Variants in WWOX observed in about 807,000 individuals in gnomAD.
WWOX encodes WW domain containing oxidoreductase, also known as WW domain-containing oxidoreductase.
Under a neutral mutation model 46.2 loss-of-function variants are expected in WWOX, and 69 were observed. The observed-to-expected ratio is 1.49, with a 90% CI of 1.23 to 1.82. WWOX has a LOEUF of 1.82. Ranked by LOEUF, WWOX falls within the 40% of genes most tolerant of loss-of-function variation. WWOX has a pLI of 0.00. For synonymous variants in WWOX, 359 were observed against 202.6 expected (o/e 1.77, Z -6.56); for missense variants, 919 against 542.6 (o/e 1.69, Z -6.89).
chr16:78,923,156 T>C (rs924611387), intron 8 of WWOX, among the ~76,000 whole-genome samples: 5 of 151,996 alleles, frequency 3.3e-5, no homozygotes, highest in Non-Finnish European at 5.9e-5. Flanking sequence ...TAATTTTGTA[T>C]TTTTAGTAGA....
chr16:78,789,532 C>G (rs1473111343), intron 8 of WWOX, among the ~76,000 whole-genome samples: 1 of 152,076 alleles, frequency 6.6e-6, no homozygotes. Flanking sequence ...GCCATTGCCA[C>G]ATTGTTTTGG....
intron 5 of WWOX, among the ~76,000 whole-genome samples, chr16:78,203,019 G>A (rs1051729620): frequency 6.6e-6 from 1 of 152,146 alleles, no homozygotes; most frequent in African/African-American, 2.4e-5. Flanking sequence ...AAAGGGAATA[G>A]AATTAGGCTG....
intron 8 of WWOX, among the ~76,000 whole-genome samples, chr16:78,899,950 G>T (rs533470920): frequency 1.3e-5 from 2 of 151,874 alleles, no homozygotes; most frequent in Non-Finnish European, 2.9e-5. Flanking sequence ...TGTACCCTTG[G>T]TACTAATTAA....
intron 8 of WWOX, among the ~76,000 whole-genome samples, chr16:78,974,663 G>T (rs181945678): frequency 6.6e-6 from 1 of 152,196 alleles, no homozygotes; most frequent in Non-Finnish European, 1.5e-5. Context: ...CTGTCCTGAA[G>T]AGGAGGACAG....
intron 5 of WWOX, among the ~76,000 whole-genome samples, chr16:78,325,899 A>C (rs909282374): frequency 4.6e-5 from 7 of 152,244 alleles, no homozygotes; most frequent in African/African-American, 1.4e-4. Context: ...AATCAAATTA[A>C]AGGCTATGAA....
intron 4 of WWOX, chr16:78,123,316 C>T (rs1318353715): frequency 6.6e-6 from 1 of 151,572 alleles, no homozygotes; most frequent in Non-Finnish European, 1.5e-5. Flanking sequence ...AGTGTGCTGG[C>T]CTAGCAATAA....
At chr16:78,158,794 G>C (rs1199409597) in intron 4 of WWOX, among the ~76,000 whole-genome samples, 1 of 152,132 alleles carries the variant, frequency 6.6e-6, no homozygotes, top group East Asian at 1.9e-4. Flanking sequence ...TAAGTTTGGA[G>C]ATAAGTATAT....
chr16:79,012,482 A>C (rs2047330795), intron 8 of WWOX, among the ~76,000 whole-genome samples: 2 of 152,060 alleles, frequency 1.3e-5, no homozygotes, highest in Non-Finnish European at 2.9e-5. Context: ...TGATTTGCCC[A>C]CCTTAGCCTC....
chr16:79,053,858 G>A (rs1216664851), intron 8 of WWOX, among the ~76,000 whole-genome samples: 1 of 152,116 alleles, frequency 6.6e-6, no homozygotes, highest in Non-Finnish European at 1.5e-5. Context: ...GAGTTTGCCA[G>A]CCCGAAAACT....
At chr16:79,068,264 C>T (rs1177909202) in intron 8 of WWOX, among the ~76,000 whole-genome samples, 4 of 152,192 alleles carry the variant, frequency 2.6e-5, no homozygotes, top group Non-Finnish European at 5.9e-5. Context: ...ATGACTGTGT[C>T]AAGCACTTCC....
rs187122043 is a variant in WWOX at position 78,516,508 on chromosome 16, C to T, written c.1056+83756C>T. Among the ~76,000 whole-genome samples the T allele has an allele frequency of 6.9e-4, 105 of 152,266 alleles. No homozygotes were observed. In the Middle Eastern group the frequency reaches 0.01, roughly 15 times the overall value. On this transcript the variant is annotated intron_variant, in intron 8 of 8. Transcript: ENST00000566780. ...TGGAAACATTTTAGAAAATTGACAT[C>T]ATCTCTTCAAATATCTGAACTCAGA...
At chr16:78,476,480 T>A (rs1228331488) in intron 8 of WWOX, among the ~76,000 whole-genome samples, 1 of 151,992 alleles carries the variant, frequency 6.6e-6, no homozygotes. Flanking sequence ...GGGAGAGGGA[T>A]AGCATTAGGA....
intron 8 of WWOX, among the ~76,000 whole-genome samples, chr16:78,627,469 G>T (rs2046336169): frequency 6.6e-6 from 1 of 152,188 alleles, no homozygotes; most frequent in African/African-American, 2.4e-5. Flanking sequence ...TTCCAATCTT[G>T]ACATTCTGTG....
intron 5 of WWOX, among the ~76,000 whole-genome samples, chr16:78,246,331 T>C (rs553585514): frequency 6.6e-6 from 1 of 152,300 alleles, no homozygotes; most frequent in South Asian, 2.1e-4. Context: ...CCTTCATACA[T>C]ATACTAACAT....
chr16:78,500,065 A>G (rs1283961327), intron 8 of WWOX, among the ~76,000 whole-genome samples: 3 of 152,214 alleles, frequency 2.0e-5, no homozygotes, highest in Non-Finnish European at 1.5e-5. Context: ...ACAACACAAC[A>G]GCAAAGCAGA....
chr16:78,481,393 A>T (rs1664697040), intron 8 of WWOX, among the ~76,000 whole-genome samples: 1 of 152,086 alleles, frequency 6.6e-6, no homozygotes, highest in African/African-American at 2.4e-5. Context: ...TCCTTTCAAT[A>T]GAGGTGAAAA....
chr16:78,750,724 TGTAA>T (rs1224647221), intron 8 of WWOX, among the ~76,000 whole-genome samples: 2 of 152,206 alleles, frequency 1.3e-5, no homozygotes, highest in Non-Finnish European at 2.9e-5. Flanking sequence ...AGCTTCGACT[TGTAA>T]GTAAGAACAT....
At chr16:78,663,759 A>G (rs748646613) in intron 8 of WWOX, among the ~76,000 whole-genome samples, 5 of 152,178 alleles carry the variant, frequency 3.3e-5, no homozygotes, top group African/African-American at 7.2e-5. Context: ...TGAGGAGGTG[A>G]CATTTGAACT....
chr16:78,616,345 G>T lies in WWOX; in HGVS notation c.1056+183593G>T, dbSNP rs75769127. On this transcript the variant is annotated intron_variant, in intron 8 of 8. Transcript: ENST00000566780. ...TGTATTTCTCACAATTCCGGAGGCT[G>T]AGAAGTCCAAGAGGAAGGCACTGGC... Among the ~76,000 whole-genome samples the T allele has an allele frequency of 3.1e-3, 478 of 152,254 alleles. 5 individuals are homozygous for T. Among genetic ancestry groups the T allele is most frequent in the African/African-American group, 0.011 (452 of 41,540 alleles).
Sources: allele counts gnomAD v4.1 joint callset (sites outside exome capture counted in the v4.1 genomes callset), GRCh38; gene constraint gnomAD v4.1.1; transcripts MANE v1.5; gene names NCBI Gene and HGNC (gene_info 2026-07-23, HGNC 2026-07-21).